The following METTL15 variants were observed in gnomAD, a reference collection of about 807,000 sequenced individuals.
METTL15 encodes the protein methyltransferase 15, mitochondrial 12S rRNA N4-cytidine.
METTL15 carries 34 observed loss-of-function variants against 38.3 expected under a neutral mutation model. The ratio of observed to expected loss-of-function variants is 0.89; its 90% CI spans 0.68 to 1.18. METTL15 has a LOEUF of 1.18. METTL15 is among the 50% of genes most tolerant of loss of function. The pLI, the probability that METTL15 is intolerant of heterozygous loss-of-function variation, is 0.00. For missense variants in METTL15, 438 were observed against 498.4 expected, an observed-to-expected ratio of 0.88 and a Z score of 1.15; for synonymous variants, 162 against 170.9, an observed-to-expected ratio of 0.95 and a Z score of 0.41.
intron 5 of METTL15, among the ~76,000 whole-genome samples, chr11:28,417,732 T>C (rs938554502): frequency 6.6e-6 from 1 of 152,218 alleles, no homozygotes. Context: ...GTTTCCTGAG[T>C]GTGACTCCCT....
At chr11:28,204,150 T>C (rs566723447) in intron 3 of METTL15, among the ~76,000 whole-genome samples, 1 of 152,180 alleles carries the variant, frequency 6.6e-6, no homozygotes, top group African/African-American at 2.4e-5. Context: ...TGCTGCCACA[T>C]TAAGTTGGAG....
downstream of METTL15, among the ~76,000 whole-genome samples, chr11:28,527,913 C>A (rs971568964): frequency 6.6e-5 from 10 of 152,244 alleles, no homozygotes; most frequent in Non-Finnish European, 1.3e-4. Context: ...TTTCATAATT[C>A]CTTGTCTGGA....
intron 5 of METTL15, among the ~76,000 whole-genome samples, chr11:28,290,664 A>T (rs1231954978): frequency 6.6e-6 from 1 of 152,142 alleles, no homozygotes; most frequent in African/African-American, 2.4e-5. Context: ...CTTACACAAT[A>T]TGGGTTTTAG....
chr11:28,456,952 C>G (rs1339072479), intron 6 of METTL15, among the ~76,000 whole-genome samples: 1 of 152,194 alleles, frequency 6.6e-6, no homozygotes, highest in Non-Finnish European at 1.5e-5. Context: ...CACTCTGGAA[C>G]AGAGACAAAC....
intron 6 of METTL15, among the ~76,000 whole-genome samples, chr11:28,459,330 A>G (rs1228290728): frequency 6.6e-6 from 1 of 152,162 alleles, no homozygotes; most frequent in Non-Finnish European, 1.5e-5. Context: ...TCTAAATTCT[A>G]TAGATGAAGA....
chr11:28,223,711 G>C lies in METTL15; in HGVS notation c.407+12513G>C, dbSNP rs183245626. On this transcript the variant is annotated intron_variant, in intron 4 of 6. Transcript: ENST00000407364. The stretch of plus-strand genomic sequence containing the variant: ...AGAAAACTGAGCAATTCATGGGAAG[G>C]CTGAGTTTTAGGCTAACCCATTTTA... Among the ~76,000 whole-genome samples, 538 of 152,236 alleles carry C rather than the reference G, an allele frequency of 3.5e-3. 2 individuals carry two copies. Among genetic ancestry groups the C allele is most frequent in the Middle Eastern group, 0.017 (5 of 294 alleles).
At chr11:28,427,475 C>G (rs1850876031) in intron 6 of METTL15, among the ~76,000 whole-genome samples, 1 of 152,064 alleles carries the variant, frequency 6.6e-6, no homozygotes, top group East Asian at 1.9e-4. Flanking sequence ...TGAATAATGT[C>G]AACGGTAGTT....
intron 6 of METTL15, among the ~76,000 whole-genome samples, chr11:28,424,898 A>G (rs1265376181): frequency 6.6e-6 from 1 of 152,172 alleles, no homozygotes; most frequent in Admixed American, 6.5e-5. Flanking sequence ...AAAGCAGAAA[A>G]CGTATGTTTA....
chr11:28,497,939 A>C (rs1329107052), intron 6 of METTL15, among the ~76,000 whole-genome samples: 1 of 151,844 alleles, frequency 6.6e-6, no homozygotes, highest in Non-Finnish European at 1.5e-5. Flanking sequence ...CTTTAATTCC[A>C]GCTACTTGGG....
chr11:28,487,142 C>T (rs1851445856), intron 6 of METTL15, among the ~76,000 whole-genome samples: 1 of 152,078 alleles, frequency 6.6e-6, no homozygotes, highest in South Asian at 2.1e-4. Flanking sequence ...GGCAATTTGG[C>T]ATCATGTTTC....
Position 28,296,742 on chromosome 11 carries a change from C to G in METTL15, c.600-11C>G. 6.2e-7 allele frequency: 1 copy of G among 1,612,180 alleles called. No homozygotes were observed. The highest frequency in any genetic ancestry group is 8.5e-7 in the Non-Finnish European group (1 of 1,179,128). Reference sequence around the variant, plus strand: ...GATGTCAGTGAACTAATTGGCTCTTCTTGTGCGTAGGTACCCTGACATGCC... The same window carrying G: ...GATGTCAGTGAACTAATTGGCTCTTGTTGTGCGTAGGTACCCTGACATGCC... On this transcript the variant is annotated splice_polypyrimidine_tract_variant and intron_variant, in intron 5 of 6. Transcript: ENST00000407364.
rs141691119 is a variant in METTL15, at chr11:28,330,070, G to A, written c.779-326G>A. Among the ~76,000 whole-genome samples, 19 of 152,110 alleles carry A rather than the reference G, an allele frequency of 1.2e-4. No individual in the cohort carries two copies. The East Asian group carries it at 3.7e-3, about 29-fold the overall frequency. The stretch of plus-strand genomic sequence containing the variant: ...GTTTATTATATTTGTGCTTCATTGA[G>A]CATCTTTGAGTTAACGTTTTTCACC... On this transcript the variant is annotated intron_variant, in intron 6 of 6. Transcript: ENST00000407364.
chr11:28,388,849 AGG>A (rs1850469952), intron 5 of METTL15, among the ~76,000 whole-genome samples: 1 of 151,698 alleles, frequency 6.6e-6, no homozygotes, highest in African/African-American at 2.4e-5. Flanking sequence ...ACCCCACAAC[AGG>A]CCCCGGTGTG....
chr11:28,384,128 A>G (rs1333284352), intron 5 of METTL15, among the ~76,000 whole-genome samples: 1 of 152,108 alleles, frequency 6.6e-6, no homozygotes, highest in Non-Finnish European at 1.5e-5. Context: ...TGTCCCTGCA[A>G]TGGATAAGAT....
At chr11:28,405,880 C>G (rs1374349149) in intron 5 of METTL15, among the ~76,000 whole-genome samples, 2 of 152,000 alleles carry the variant, frequency 1.3e-5, no homozygotes, top group Non-Finnish European at 2.9e-5. Flanking sequence ...ACCATGCTAG[C>G]TTTTGTCAGG....
At chr11:28,268,816 G>T (rs755712428) in intron 4 of METTL15, among the ~76,000 whole-genome samples, 4 of 152,100 alleles carry the variant, frequency 2.6e-5, no homozygotes, top group Non-Finnish European at 5.9e-5. Flanking sequence ...GGAAGATTTA[G>T]CAGTGTAAGA....
At chr11:28,233,427 T>C (rs895349269) in intron 4 of METTL15, among the ~76,000 whole-genome samples, 2 of 152,058 alleles carry the variant, frequency 1.3e-5, no homozygotes, top group Non-Finnish European at 2.9e-5. Context: ...GTTTTCCTTA[T>C]GTAACATCTA....
intron 3 of METTL15, among the ~76,000 whole-genome samples, chr11:28,199,799 A>G (rs960167873): frequency 6.6e-6 from 1 of 151,368 alleles, no homozygotes; most frequent in Non-Finnish European, 1.5e-5. Flanking sequence ...CTGGAGTGCA[A>G]TGGCATGATC....
intron 3 of METTL15, among the ~76,000 whole-genome samples, chr11:28,183,118 A>T (rs1851357841): frequency 6.6e-6 from 1 of 152,030 alleles, no homozygotes; most frequent in Non-Finnish European, 1.5e-5. Flanking sequence ...GTATCCTGAG[A>T]CTTTGCTGAA....
Sources: allele counts gnomAD v4.1 joint callset (sites outside exome capture counted in the v4.1 genomes callset), GRCh38; gene constraint gnomAD v4.1.1; transcripts MANE v1.5; gene names NCBI Gene and HGNC (gene_info 2026-07-23, HGNC 2026-07-21).